Variants in TMEM178A observed in about 807,000 individuals in gnomAD.
TMEM178A encodes the protein transmembrane protein 178A.
TMEM178A carries 12 observed loss-of-function variants against 29.1 expected under a neutral mutation model. The observed-to-expected ratio is 0.41, with a 90% CI of 0.26 to 0.67. TMEM178A has a LOEUF of 0.67. TMEM178A is among the 30% of genes least tolerant of loss of function. The probability of loss-of-function intolerance (pLI) is 0.29; values close to 1 mark genes in which losing one functional copy is unlikely to be tolerated. For missense variants in TMEM178A, 366 were observed against 419.1 expected, an observed-to-expected ratio of 0.87 and a Z score of 1.11; for synonymous variants, 210 against 187.2, an observed-to-expected ratio of 1.12 and a Z score of -0.99.
intron 1 of TMEM178A, among the ~76,000 whole-genome samples, chr2:39,677,461 T>A (rs1182779808): frequency 6.6e-6 from 1 of 152,188 alleles, no homozygotes; most frequent in Non-Finnish European, 1.5e-5. Flanking sequence ...AGTGTCCTGG[T>A]GTGTTGATAG....
At chr2:39,719,047 T>C (rs1442489764), downstream of TMEM178A, among the ~76,000 whole-genome samples, 1 of 152,076 alleles carries the variant, frequency 6.6e-6, no homozygotes, top group African/African-American at 2.4e-5. Context: ...CCGAAAGGGG[T>C]TGGAGGATGC....
chr2:39,683,275 G>T (rs181063205), intron 1 of TMEM178A, among the ~76,000 whole-genome samples: 1 of 152,270 alleles, frequency 6.6e-6, no homozygotes, highest in Admixed American at 6.5e-5. Context: ...CGTCCCCATA[G>T]TCTCACCTCA....
At chr2:39,687,882 AGAACT>A (rs1331766917) in intron 1 of TMEM178A, among the ~76,000 whole-genome samples, 1 of 152,272 alleles carries the variant, frequency 6.6e-6, no homozygotes, top group Non-Finnish European at 1.5e-5. Flanking sequence ...TAGATATCTA[AGAACT>A]GATTTTGGAG....
At chr2:39,680,112 C>T (rs1029998216) in intron 1 of TMEM178A, among the ~76,000 whole-genome samples, 6 of 152,150 alleles carry the variant, frequency 3.9e-5, no homozygotes, top group Admixed American at 2.0e-4. Context: ...TTACTCTGCT[C>T]TTAACTAGCT....
chr2:39,701,775 C>G (rs1671793128), intron 1 of TMEM178A, among the ~76,000 whole-genome samples: 1 of 152,088 alleles, frequency 6.6e-6, no homozygotes, highest in Admixed American at 6.6e-5. Flanking sequence ...ATGGACCTAT[C>G]TTCAAGTTTG....
intron 3 of TMEM178A, among the ~76,000 whole-genome samples, chr2:39,714,303 G>C (rs561524374): frequency 2.6e-5 from 4 of 152,112 alleles, no homozygotes; most frequent in African/African-American, 9.6e-5. Flanking sequence ...ATGAGTAAAG[G>C]CAACAAGAAA....
chr2:39,690,088 T>C (rs746245122), intron 1 of TMEM178A, among the ~76,000 whole-genome samples: 26 of 152,156 alleles, frequency 1.7e-4, no homozygotes, highest in Non-Finnish European at 2.6e-4. Context: ...ACTAAGGGGA[T>C]TGGCATGTTT....
chr2:39,729,403 T>C, the TMEM178A span, among the ~76,000 whole-genome samples: 88 of 152,286 alleles, frequency 5.8e-4, no homozygotes, highest in African/African-American at 2.0e-3. Flanking sequence ...ATTCTACCTA[T>C]AATATAGGTC....
At chr2:39,703,847 C>G (rs920587466) in intron 1 of TMEM178A, among the ~76,000 whole-genome samples, 2 of 152,160 alleles carry the variant, frequency 1.3e-5, no homozygotes, top group African/African-American at 4.8e-5. Flanking sequence ...GTAAAACAAG[C>G]TCCGTATGGG....
intron 1 of TMEM178A, among the ~76,000 whole-genome samples, chr2:39,699,750 C>G (rs1444796075): frequency 6.6e-6 from 1 of 152,172 alleles, no homozygotes; most frequent in African/African-American, 2.4e-5. Context: ...GCTACTGTGC[C>G]AGGCGAGATC....
At chr2:39,694,005 TC>T (rs1393642217) in intron 1 of TMEM178A, among the ~76,000 whole-genome samples, 6 of 150,984 alleles carry the variant, frequency 4.0e-5, no homozygotes, top group Non-Finnish European at 5.9e-5. Context: ...ATGTTTACTA[TC>T]TCTGAAATGG....
intron 1 of TMEM178A, among the ~76,000 whole-genome samples, chr2:39,679,444 T>C (rs1329237218): frequency 6.6e-6 from 1 of 152,218 alleles, no homozygotes; most frequent in Non-Finnish European, 1.5e-5. Context: ...CTGACATTTA[T>C]TATACACTTT....
intron 1 of TMEM178A, among the ~76,000 whole-genome samples, chr2:39,680,861 G>A (rs1019590381): frequency 6.6e-6 from 1 of 152,028 alleles, no homozygotes; most frequent in Non-Finnish European, 1.5e-5. Context: ...GTCTATAATT[G>A]TGCTTCATTT....
intron 1 of TMEM178A, among the ~76,000 whole-genome samples, chr2:39,684,544 T>G (rs2148070897): frequency 6.6e-6 from 1 of 152,364 alleles, no homozygotes; most frequent in East Asian, 1.9e-4. Flanking sequence ...TATTTTAATG[T>G]GTGGATGCAT....
At chr2:39,723,080 C>A in the TMEM178A span, among the ~76,000 whole-genome samples, 2 of 152,234 alleles carry the variant, frequency 1.3e-5, no homozygotes, top group African/African-American at 4.8e-5. Context: ...AACGCAATCA[C>A]AGTTCAGGGC....
At chr2:39,675,086 G>GC (rs1179005706) in intron 1 of TMEM178A, among the ~76,000 whole-genome samples, 2 of 152,200 alleles carry the variant, frequency 1.3e-5, no homozygotes, top group East Asian at 3.8e-4. Context: ...ATGCCTGTGA[G>GC]CAAGGGGGAT....
intron 2 of TMEM178A, among the ~76,000 whole-genome samples, chr2:39,706,735 C>T (rs1431496344): frequency 6.6e-6 from 1 of 152,196 alleles, no homozygotes; most frequent in Non-Finnish European, 1.5e-5. Context: ...AGACCCACCT[C>T]ACTCTTTGTT....
chr2:39,711,090 G>C (rs993545289), intron 3 of TMEM178A, among the ~76,000 whole-genome samples: 1 of 152,158 alleles, frequency 6.6e-6, no homozygotes, highest in African/African-American at 2.4e-5. Context: ...CACCGGCCTT[G>C]AATTTAGACT....
At chr2:39,704,522 G>T (rs1671939735) in intron 2 of TMEM178A, among the ~76,000 whole-genome samples, 1 of 152,138 alleles carries the variant, frequency 6.6e-6, no homozygotes, top group Non-Finnish European at 1.5e-5. Flanking sequence ...AAACCAAGGA[G>T]ATTATACCTT....
Sources: gnomAD v4.1 joint callset for allele counts (sites outside exome capture counted in the v4.1 genomes callset) on GRCh38, gnomAD v4.1.1 for gene constraint, MANE v1.5 for transcripts, NCBI Gene and HGNC (gene_info 2026-07-23, HGNC 2026-07-21) for gene names.